PRKAR2B: variants seen among roughly 807,000 people sequenced by gnomAD.
PRKAR2B encodes cAMP-dependent protein kinase type II-beta regulatory subunit.
PRKAR2B carries 14 observed loss-of-function variants against 49.9 expected under a neutral mutation model. The observed-to-expected ratio is 0.28, with a 90% CI of 0.19 to 0.44. PRKAR2B has a LOEUF of 0.44. PRKAR2B is among the 20% of genes least tolerant of loss of function. The pLI is 1.00. For synonymous variants in PRKAR2B, 196 were observed against 197.7 expected (o/e 0.99, Z 0.07); for missense variants, 393 against 537.9 (o/e 0.73, Z 2.67).
chr7:107,151,034 GT>G lies in PRKAR2B; in HGVS notation c.843+14del. ...CTTAAATCTTTGGAGGTAAGTATAT[GT>G]TTATGCTTTTATTTTATTTTGCTTT... On this transcript the variant is annotated intron_variant, in intron 7 of 10. Transcript: ENST00000265717. 7.1e-7 allele frequency: 1 copy of G among 1,416,676 alleles called. No individual in the cohort carries two copies. The highest frequency in any genetic ancestry group is 9.6e-7 in the Non-Finnish European group (1 of 1,046,788). 87.8% of individuals were successfully genotyped at this position (1,416,676 alleles called of 1,614,324 possible).
chr7:107,123,528 G>A (rs781500580), intron 3 of PRKAR2B, among the ~76,000 whole-genome samples: 2 of 152,218 alleles, frequency 1.3e-5, no homozygotes, highest in East Asian at 3.8e-4. Context: ...GAGCCAGCCC[G>A]CCTCTGGTGT....
chr7:107,096,640 G>A (rs1193855629), intron 2 of PRKAR2B, among the ~76,000 whole-genome samples: 1 of 151,986 alleles, frequency 6.6e-6, no homozygotes, highest in Non-Finnish European at 1.5e-5. Context: ...TTTCTCTTGT[G>A]GGCATGTAGT....
At chr7:107,109,580 G>A (rs143658660) in intron 2 of PRKAR2B, among the ~76,000 whole-genome samples, 1 of 152,178 alleles carries the variant, frequency 6.6e-6, no homozygotes, top group Admixed American at 6.5e-5. Flanking sequence ...GTTTTGATCA[G>A]CAGTGTCATG....
chr7:107,067,653 C>T lies in PRKAR2B; in HGVS notation c.308-2628C>T, dbSNP rs75497131. Among the ~76,000 whole-genome samples the T allele has an allele frequency of 4.2e-4, 64 of 152,274 alleles. No individual in the cohort carries two copies. In the East Asian group the frequency reaches 0.012, roughly 28 times the overall value. ...AGACAGTGTAGTTAGATTGTCCCAC[C>T]TAGATGTGGAGGCTCTATGAATATA... On this transcript the variant is annotated intron_variant, in intron 1 of 10. Coordinates refer to ENST00000265717, the MANE Select transcript of PRKAR2B (RefSeq NM_002736.3).
In PRKAR2B at chr7:107,060,213, C is replaced by T. The variant is rs574318847; in HGVS notation, c.308-10068C>T. Among the ~76,000 whole-genome samples the T allele has an allele frequency of 1.3e-3, 202 of 152,050 alleles. 1 individual carries two copies. The highest frequency in any genetic ancestry group is 2.6e-3 in the Non-Finnish European group (178 of 67,974). ...TGAGAGTATATAGAGATTTTGAGAT[C>T]GAAAAGTTTGTGGACTGCTGCTATA... On this transcript the variant is annotated intron_variant, in intron 1 of 10. Coordinates refer to ENST00000265717, the MANE Select transcript of PRKAR2B (RefSeq NM_002736.3).
At chr7:107,080,024 C>T (rs1289679104) in intron 2 of PRKAR2B, among the ~76,000 whole-genome samples, 2 of 152,236 alleles carry the variant, frequency 1.3e-5, no homozygotes, top group South Asian at 2.1e-4. Flanking sequence ...TTAAGGAAGC[C>T]AAAATAAGTT....
At chr7:107,151,124 TC>T (rs1275865813) in intron 7 of PRKAR2B, 101 bp downstream of exon 7, 5 of 596,278 alleles carry the variant, frequency 8.4e-6, no homozygotes, top group African/African-American at 3.9e-5. Flanking sequence ...TAAAAAAAAA[TC>T]TATCCATGTT....
chr7:107,160,746 C>T lies in PRKAR2B; in HGVS notation c.*1164C>T, dbSNP rs1475055738. On this transcript the variant is annotated 3_prime_UTR_variant, in exon 11 of 11. Coordinates refer to ENST00000265717, the MANE Select transcript of PRKAR2B (RefSeq NM_002736.3). ...TGAATTTCTGACCTTACCATATATA[C>T]CATTAGGCCTTGCCATTGCTTTAAT... The T allele has an allele frequency of 6.6e-6, 1 of 152,090 alleles. No homozygotes were observed. The highest frequency in any genetic ancestry group is 2.4e-5 in the African/African-American group (1 of 41,400). The allele number at this position is 152,090 out of a possible 1,614,324, so 9.4% of individuals were successfully genotyped here. A position where few individuals can be genotyped will look rare whatever the true frequency, so the allele number is the denominator to read the frequency against.
At chr7:107,079,513 A>G (rs1025225691) in intron 2 of PRKAR2B, 6 of 151,872 alleles carry the variant, frequency 4.0e-5, no homozygotes, top group South Asian at 4.2e-4. Context: ...GCATGAATGA[A>G]TGGTGCCCTT....
At chr7:107,074,712 C>T (rs1399421829) in intron 2 of PRKAR2B, among the ~76,000 whole-genome samples, 1 of 151,894 alleles carries the variant, frequency 6.6e-6, no homozygotes. Flanking sequence ...GCGGGAGAAT[C>T]GCTTGAACCT....
chr7:107,156,870 C>T lies in PRKAR2B; in HGVS notation c.919-114C>T. The T allele has an allele frequency of 1.1e-5, 9 of 848,492 alleles. No individual in the cohort carries two copies. The South Asian group carries it at 1.4e-4, about 14-fold the overall frequency. The allele number at this position is 848,492 out of a possible 1,614,324, so 52.6% of individuals were successfully genotyped here. A position where few individuals can be genotyped will look rare whatever the true frequency, so the allele number is the denominator to read the frequency against. ...CTTGTTCCCTTAGGATTTCACTTTTCAGGTGAATATGTGTACTTTGGGGTT... is the reference window on the plus strand; with the variant it reads ...CTTGTTCCCTTAGGATTTCACTTTTTAGGTGAATATGTGTACTTTGGGGTT... On this transcript the variant is annotated intron_variant, in intron 8 of 10. Transcript: ENST00000265717.
intron 4 of PRKAR2B, among the ~76,000 whole-genome samples, chr7:107,138,011 T>G (rs2115630014): frequency 6.6e-6 from 1 of 152,254 alleles, no homozygotes; most frequent in Non-Finnish European, 1.5e-5. Flanking sequence ...TCTAGAAAAT[T>G]CATCCTGTAT....
chr7:107,070,719 TTGAG>T (rs1233816841), intron 2 of PRKAR2B, among the ~76,000 whole-genome samples: 3 of 152,170 alleles, frequency 2.0e-5, no homozygotes, highest in African/African-American at 7.2e-5. Flanking sequence ...ACAGTGATAA[TTGAG>T]TGAGTGTTTT....
intron 2 of PRKAR2B, among the ~76,000 whole-genome samples, chr7:107,105,424 C>T (rs1795053392): frequency 6.6e-6 from 1 of 152,136 alleles, no homozygotes; most frequent in African/African-American, 2.4e-5. Flanking sequence ...TGTGTGGTCC[C>T]GCATGGTACA....
At chr7:107,122,609 C>G (rs1795407828) in intron 3 of PRKAR2B, among the ~76,000 whole-genome samples, 2 of 152,108 alleles carry the variant, frequency 1.3e-5, no homozygotes, top group South Asian at 4.1e-4. Context: ...GTAGTAATTT[C>G]TGCGTCACCC....
intron 1 of PRKAR2B, among the ~76,000 whole-genome samples, chr7:107,060,928 T>G (rs1794015653): frequency 1.3e-5 from 2 of 152,156 alleles, no homozygotes; most frequent in South Asian, 4.1e-4. Flanking sequence ...TAATTTATTC[T>G]TATATATGGT....
At position 107,059,628 on chromosome 7, in the gene PRKAR2B, A is replaced by G. The variant is rs372493543; in HGVS notation, c.308-10653A>G. On this transcript the variant is annotated intron_variant, in intron 1 of 10. Coordinates refer to ENST00000265717, the MANE Select transcript of PRKAR2B (RefSeq NM_002736.3). ...CTATGTAGTATACCCTTGTATAAAT[A>G]TACACTTTATCCATTCTTTGGTAAA... Among the ~76,000 whole-genome samples the G allele has an allele frequency of 5.3e-5, 8 of 152,218 alleles. No homozygotes were observed. In the East Asian group the frequency reaches 1.5e-3, roughly 29 times the overall value.
intron 10 of PRKAR2B, 27 bp downstream of exon 10, chr7:107,157,351 T>TC: frequency 6.3e-7 from 1 of 1,595,982 alleles, no homozygotes; most frequent in Non-Finnish European, 8.5e-7. Flanking sequence ...TGGGCGTGCT[T>TC]CTGCTGGTTG....
rs1399856879 is a variant in PRKAR2B at position 107,045,030 on chromosome 7, G to T, written c.123G>T (p.Gln41His). 1 of 1,550,958 alleles carries T rather than the reference G, an allele frequency of 6.4e-7. No homozygotes were observed. The highest frequency in any genetic ancestry group is 1.9e-5 in the Admixed American group (1 of 51,672). ...FALQHFTRLQ[Q>H]ENERKGTARF... ...TGCAGCACTTCACCCGCCTGCAGCA[G>T]GAGAACGAGCGCAAAGGCACCGCGC... The change falls in exon 1 of 11, where the codon CAG becomes CAT. Residue 41 changes from glutamine (Q) to histidine (H), a missense_variant. Gln to His is a conservative substitution (Grantham distance 24). Transcript: ENST00000265717.
Sources: gnomAD v4.1 joint callset for allele counts (sites outside exome capture counted in the v4.1 genomes callset) on GRCh38, gnomAD v4.1.1 for gene constraint, MANE v1.5 for transcripts, NCBI Gene and HGNC (gene_info 2026-07-23, HGNC 2026-07-21) for gene names.